IFIT3: variants seen among roughly 807,000 people sequenced by gnomAD.
IFIT3 encodes the protein interferon induced protein with tetratricopeptide repeats 3.
In IFIT3, 2 loss-of-function variants were observed where a neutral mutation model predicts 2.4. That is an observed-to-expected ratio of 0.82 (90% CI 0.34 to 2.60). IFIT3 has a LOEUF of 2.60. Among genes scored for constraint, IFIT3 ranks in the 30% most tolerant of loss-of-function variants. The pLI, the probability that IFIT3 is intolerant of heterozygous loss-of-function variation, is 0.11. For synonymous variants in IFIT3, 203 were observed against 212.1 expected (o/e 0.96, Z 0.37); for missense variants, 481 against 562.4 (o/e 0.86, Z 1.46).
rs966086337 is a variant in IFIT3, at chr10:89,339,968, A to T, written c.1313A>T (p.Tyr438Phe). The change falls in exon 2 of 2, where the codon TAT becomes TTT. Residue 438 changes from tyrosine to phenylalanine, a missense_variant. Coordinates refer to ENST00000371818, the MANE Select transcript of IFIT3 (RefSeq NM_001549.6). ...NGDLLQAAKC[Y>F]EKELGRLLRD... is the part of the protein sequence containing the mutation. ...GATCTGCTGCAAGCAGCCAAATGTT[A>T]TGAGAAGGAACTGGGCCGCCTGCTA... 1 of 1,614,222 alleles carries T rather than the reference A, an allele frequency of 6.2e-7. No homozygotes were observed. The highest frequency in any genetic ancestry group is 8.5e-7 in the Non-Finnish European group (1 of 1,180,032).
At chr10:89,334,184 A>ATC (rs1564789267) in intron 1 of IFIT3, among the ~76,000 whole-genome samples, 1 of 152,214 alleles carries the variant, frequency 6.6e-6, no homozygotes, top group Non-Finnish European at 1.5e-5. Flanking sequence ...GAGATGTGGT[A>ATC]TCTACCCTGG....
chr10:89,332,560 A>T (rs1446550456), intron 1 of IFIT3: 6 of 1,613,834 alleles, frequency 3.7e-6, no homozygotes, highest in Non-Finnish European at 5.1e-6. Flanking sequence ...GCTTGGAATC[A>T]GTAAGCTAAA....
At chr10:89,329,945 T>G (rs1843634270) in intron 1 of IFIT3, among the ~76,000 whole-genome samples, 2 of 152,042 alleles carry the variant, frequency 1.3e-5, no homozygotes, top group Non-Finnish European at 2.9e-5. Flanking sequence ...AAAGGGGGGT[T>G]GTTCTCTGGT....
rs144424377 is a variant in IFIT3 at position 89,339,192 on chromosome 10, G to A, written c.537G>A (p.Ala179=). Residue 179 remains alanine (A), a synonymous_variant, in exon 2 of 2, where the codon GCG becomes GCA. Coordinates refer to ENST00000371818, the MANE Select transcript of IFIT3 (RefSeq NM_001549.6). The part of the protein sequence containing the change: ...NPEFSSGLAI[A]MYHLDNHPEK... ...AATTCTCCTCTGGACTGGCAATTGC[G>A]ATGTACCATCTGGATAATCACCCAG... The A allele has an allele frequency of 8.4e-5, 135 of 1,614,056 alleles. No individual in the cohort carries two copies. Among genetic ancestry groups the A allele is most frequent in the Middle Eastern group, 1.6e-4 (1 of 6,082 alleles).
Position 89,339,921 on chromosome 10 carries a change from A to G in IFIT3, c.1266A>G (p.Gly422=). 6.2e-7 allele frequency: 1 copy of G among 1,614,222 alleles called. No homozygotes were observed. Among genetic ancestry groups the G allele is most frequent in the South Asian group, 1.1e-5 (1 of 91,082 alleles). Residue 422 remains glycine (G), a synonymous_variant, in exon 2 of 2, where the codon GGA becomes GGG. Coordinates refer to ENST00000371818, the MANE Select transcript of IFIT3 (RefSeq NM_001549.6). Reference sequence around the variant, plus strand: ...CACCAAATTATTGGTATCTTCAAGGATTAATTCATAAGCAGAATGGAGATC... The same window carrying G: ...CACCAAATTATTGGTATCTTCAAGGGTTAATTCATAAGCAGAATGGAGATC... ...QNAPNYWYLQ[G]LIHKQNGDLL...
chr10:89,329,126 T>C (rs2133538848), intron 1 of IFIT3, among the ~76,000 whole-genome samples: 1 of 151,944 alleles, frequency 6.6e-6, no homozygotes, highest in East Asian at 1.9e-4. Context: ...AGGAAAGGAG[T>C]GAGGAGGTGA....
At chr10:89,336,015 C>A (rs1305148199) in intron 1 of IFIT3, among the ~76,000 whole-genome samples, 1 of 152,100 alleles carries the variant, frequency 6.6e-6, no homozygotes, top group Admixed American at 6.6e-5. Context: ...GTGGTTCACA[C>A]CTGTAATCCC....
At chr10:89,336,566 G>A (rs1230671823) in intron 1 of IFIT3, among the ~76,000 whole-genome samples, 1 of 152,216 alleles carries the variant, frequency 6.6e-6, no homozygotes, top group African/African-American at 2.4e-5. Flanking sequence ...ATGGTAAATT[G>A]CAAATAAAGT....
At chr10:89,330,449 C>A (rs1843638398) in intron 1 of IFIT3, among the ~76,000 whole-genome samples, 1 of 152,170 alleles carries the variant, frequency 6.6e-6, no homozygotes, top group Non-Finnish European at 1.5e-5. Flanking sequence ...CAACTATGCT[C>A]ACTTTAGAGA....
In IFIT3 at chr10:89,340,379, A is replaced by C. The variant is rs1400136189; in HGVS notation, c.*251A>C. 1 of 289,440 alleles carries C rather than the reference A, an allele frequency of 3.5e-6. No individual in the cohort carries two copies. Among genetic ancestry groups the C allele is most frequent in the African/African-American group, 2.2e-5 (1 of 46,328 alleles). 17.9% of individuals were successfully genotyped at this position (289,440 alleles called of 1,614,324 possible). ...TGAGACCATCCTGGCTAACACAGTG[A>C]AATCCCGTCTCTACTAAAAATACAA... On this transcript the variant is annotated 3_prime_UTR_variant, in exon 2 of 2. Transcript: ENST00000371818.
intron 1 of IFIT3, among the ~76,000 whole-genome samples, chr10:89,332,890 T>C (rs1843671670): frequency 6.6e-6 from 1 of 152,164 alleles, no homozygotes; most frequent in Non-Finnish European, 1.5e-5. Flanking sequence ...CATGCTCAGA[T>C]GCTTTCAGGT....
chr10:89,340,073 G>T lies in IFIT3; in HGVS notation c.1418G>T (p.Gly473Val). The T allele has an allele frequency of 6.2e-7, 1 of 1,613,530 alleles. No homozygotes were observed. The highest frequency in any genetic ancestry group is 8.5e-7 in the Non-Finnish European group (1 of 1,179,648). ...LEDGSEEMGQ[G>V]AVSSSPRELL... is the part of the protein sequence containing the mutation. ...GATGGTAGTGAGGAAATGGGCCAGG[G>T]CGCAGTCAGCTCCAGTCCCAGAGAG... Residue 473 changes from glycine (G) to valine (V), a missense_variant, in exon 2 of 2, where the codon GGC becomes GTC. Coordinates refer to ENST00000371818, the MANE Select transcript of IFIT3 (RefSeq NM_001549.6).
At position 89,334,582 on chromosome 10, in the gene IFIT3, G is replaced by A. The variant is rs1361465362; in HGVS notation, c.6-4079G>A. ...CCGATCTTGGCTCACTGCAACCTCCGCCTTCCGGTTTCAAGCAATTCTGCC... is the reference window on the plus strand; with the variant it reads ...CCGATCTTGGCTCACTGCAACCTCCACCTTCCGGTTTCAAGCAATTCTGCC... On this transcript the variant is annotated intron_variant, in intron 1 of 1. Transcript: ENST00000371818. 1.1e-4 allele frequency among the ~76,000 whole-genome samples: 8 copies of A among 74,650 alleles called. No homozygotes were observed. The East Asian group carries it at 6.4e-3, about 60-fold the overall frequency. 49.0% of individuals were successfully genotyped at this position (74,650 alleles called of 152,430 possible).
chr10:89,339,773 A>G lies in IFIT3; in HGVS notation c.1118A>G (p.Lys373Arg). The G allele has an allele frequency of 6.2e-7, 1 of 1,614,238 alleles. No homozygotes were observed. The highest frequency in any genetic ancestry group is 8.5e-7 in the Non-Finnish European group (1 of 1,180,028). The stretch of plus-strand genomic sequence containing the variant: ...TGCAACCTTCAGAAATATAATGGGA[A>G]GTCTGAAGACACTGCTGTGCAACAT... ...RYCNLQKYNG[K>R]SEDTAVQHGL... Residue 373 changes from lysine (K) to arginine (R), a missense_variant, in exon 2 of 2, where the codon AAG becomes AGG. Transcript: ENST00000371818.
intron 1 of IFIT3, among the ~76,000 whole-genome samples, chr10:89,334,653 C>T (rs112661708): frequency 0.021 from 3,199 of 151,574 alleles, 125 homozygotes; most frequent in African/African-American, 0.072. Context: ...CCACCACGCC[C>T]GGCTAATTTT....
chr10:89,335,623 C>A (rs1843725524), intron 1 of IFIT3: 1 of 151,552 alleles, frequency 6.6e-6, no homozygotes, highest in Admixed American at 6.6e-5. Flanking sequence ...CAAATACATC[C>A]AACAATACAT....
chr10:89,330,329 C>A (rs10887946), intron 1 of IFIT3, among the ~76,000 whole-genome samples: 31,240 of 152,234 alleles, frequency 0.21, 4,288 homozygotes, highest in East Asian at 0.61. Flanking sequence ...CCCAAGACAT[C>A]AGATAGAGAG....
chr10:89,328,289 C>T (rs1843618664), intron 1 of IFIT3, among the ~76,000 whole-genome samples: 1 of 152,024 alleles, frequency 6.6e-6, no homozygotes, highest in East Asian at 1.9e-4. Flanking sequence ...TGGAATGGTT[C>T]CCTACGGAAC....
chr10:89,333,625 A>G (rs1237306669), intron 1 of IFIT3, among the ~76,000 whole-genome samples: 1 of 152,240 alleles, frequency 6.6e-6, no homozygotes, highest in Non-Finnish European at 1.5e-5. Context: ...GCTTGAGCCC[A>G]GGGGCTCCAG....
Sources: allele counts gnomAD v4.1 joint callset (sites outside exome capture counted in the v4.1 genomes callset), GRCh38; gene constraint gnomAD v4.1.1; transcripts MANE v1.5; gene names NCBI Gene and HGNC (gene_info 2026-07-23, HGNC 2026-07-21).